Variants in PPP1R14C observed in about 807,000 individuals in gnomAD.
The protein encoded by PPP1R14C is protein phosphatase 1 regulatory subunit 14C.
PPP1R14C carries 16 observed loss-of-function variants against 20.4 expected under a neutral mutation model. The ratio of observed to expected loss-of-function variants is 0.78; its 90% CI spans 0.53 to 1.19. The LOEUF is 1.19. PPP1R14C is among the 50% of genes most tolerant of loss of function. The pLI is 0.00. For missense variants in PPP1R14C, 211 were observed against 220.1 expected (o/e 0.96, Z 0.26); for synonymous variants, 91 against 91.0 (o/e 1.00, Z 0.00).
intron 1 of PPP1R14C, among the ~76,000 whole-genome samples, chr6:150,182,735 TACA>T (rs1777635524): frequency 6.6e-6 from 1 of 152,206 alleles, no homozygotes; most frequent in East Asian, 1.9e-4. Flanking sequence ...ACCAAGTAGG[TACA>T]ATAGCCAGCC....
intron 2 of PPP1R14C, among the ~76,000 whole-genome samples, chr6:150,215,046 C>T (rs17526796): frequency 0.047 from 7,180 of 152,222 alleles, 250 homozygotes; most frequent in Middle Eastern, 0.071. Context: ...ATTTTCAAAG[C>T]GCCTTATGGG....
chr6:150,216,885 T>C, intron 3 of PPP1R14C, 29 bp downstream of exon 3: 1 of 1,575,082 alleles, frequency 6.3e-7, no homozygotes, highest in Non-Finnish European at 8.7e-7. Context: ...CTAAATGCCA[T>C]GTTTGAACTG....
intron 1 of PPP1R14C, among the ~76,000 whole-genome samples, chr6:150,145,920 T>G (rs1777175607): frequency 6.6e-6 from 1 of 152,226 alleles, no homozygotes; most frequent in African/African-American, 2.4e-5. Context: ...TCAGATGACT[T>G]GACCTTTTCA....
intron 3 of PPP1R14C, among the ~76,000 whole-genome samples, chr6:150,236,636 T>TGTGTGTGTGTGCGC (rs1242098663): frequency 1.3e-5 from 2 of 151,462 alleles, no homozygotes; most frequent in African/African-American, 4.9e-5. Context: ...TGTGTGTGTG[T>TGTGTGTGTGTGCGC]GTGCGCGTGT....
At chr6:150,162,621 T>A (rs932177457) in intron 1 of PPP1R14C, among the ~76,000 whole-genome samples, 1 of 152,204 alleles carries the variant, frequency 6.6e-6, no homozygotes, top group Non-Finnish European at 1.5e-5. Context: ...GCTTCAGTTT[T>A]TGATGATTAT....
At position 150,181,509 on chromosome 6, in the gene PPP1R14C, C is replaced by T. The variant is rs1777621726; in HGVS notation, c.307-33235C>T. On this transcript the variant is annotated intron_variant, in intron 1 of 3. Coordinates refer to ENST00000361131, the MANE Select transcript of PPP1R14C (RefSeq NM_030949.3). The stretch of plus-strand genomic sequence containing the variant: ...TATTTAATTATTAGCTATCAATGTT[C>T]TTTTCTGCTGCCCTGTCTCTTCGCT... Among the ~76,000 whole-genome samples, 4 of 152,314 alleles carry T rather than the reference C, an allele frequency of 2.6e-5. No homozygotes were observed. The East Asian group carries it at 7.7e-4, about 29-fold the overall frequency.
intron 3 of PPP1R14C, among the ~76,000 whole-genome samples, chr6:150,222,913 C>T (rs375706156): frequency 8.9e-4 from 135 of 151,654 alleles, no homozygotes; most frequent in African/African-American, 2.8e-3. Flanking sequence ...GGATTACAGG[C>T]GCGTGCCACC....
Position 150,248,735 on chromosome 6 carries a change from A to C in PPP1R14C, c.424-11A>C. 1 of 1,592,086 alleles carries C rather than the reference A, an allele frequency of 6.3e-7. No homozygotes were observed. The highest frequency in any genetic ancestry group is 1.7e-5 in the Admixed American group (1 of 59,594). On this transcript the variant is annotated splice_polypyrimidine_tract_variant and intron_variant, in intron 3 of 3. Transcript: ENST00000361131. ...GTGACCCTCATATTAACTTCTTCTG[A>C]TCTCTTTTAGGAATTTATCAAAGAG...
chr6:150,209,412 G>T (rs1777992506), intron 1 of PPP1R14C, among the ~76,000 whole-genome samples: 1 of 141,658 alleles, frequency 7.1e-6, no homozygotes, highest in Non-Finnish European at 1.6e-5. Flanking sequence ...AGAAGTGTGT[G>T]TATATATCTG....
At chr6:150,189,044 A>C (rs1198948086) in intron 1 of PPP1R14C, among the ~76,000 whole-genome samples, 2 of 151,842 alleles carry the variant, frequency 1.3e-5, no homozygotes, top group African/African-American at 4.8e-5. Context: ...TTTTTAGTAG[A>C]GACAGGATTT....
intron 1 of PPP1R14C, among the ~76,000 whole-genome samples, chr6:150,166,302 G>C (rs1227501647): frequency 6.6e-6 from 1 of 151,954 alleles, no homozygotes; most frequent in Non-Finnish European, 1.5e-5. Flanking sequence ...GGATGGTCTC[G>C]ATCTCCTGAC....
At chr6:150,245,089 G>C (rs1255596724) in intron 3 of PPP1R14C, among the ~76,000 whole-genome samples, 2 of 152,016 alleles carry the variant, frequency 1.3e-5, no homozygotes, top group Non-Finnish European at 2.9e-5. Context: ...ATGCGGAACA[G>C]TGACCTTAAT....
intron 3 of PPP1R14C, among the ~76,000 whole-genome samples, chr6:150,246,231 T>C (rs1467927524): frequency 1.3e-5 from 2 of 152,220 alleles, no homozygotes; most frequent in Admixed American, 6.5e-5. Flanking sequence ...AAATGTGTTA[T>C]TAAAATAGTG....
chr6:150,227,375 T>C (rs916275630), intron 3 of PPP1R14C, among the ~76,000 whole-genome samples: 1 of 152,186 alleles, frequency 6.6e-6, no homozygotes, highest in Non-Finnish European at 1.5e-5. Flanking sequence ...CAGTAAACTA[T>C]GGTGGAAATT....
At chr6:150,183,309 T>G (rs1020211072) in intron 1 of PPP1R14C, among the ~76,000 whole-genome samples, 2 of 152,248 alleles carry the variant, frequency 1.3e-5, no homozygotes, top group Admixed American at 6.5e-5. Flanking sequence ...AGGAAATGAG[T>G]TGGTCAAAAC....
intron 3 of PPP1R14C, among the ~76,000 whole-genome samples, chr6:150,217,106 A>G (rs1413022437): frequency 6.6e-6 from 1 of 152,214 alleles, no homozygotes; most frequent in African/African-American, 2.4e-5. Flanking sequence ...GCCAAACTTC[A>G]AAGGAAATTG....
At chr6:150,233,889 A>G (rs865807580) in intron 3 of PPP1R14C, among the ~76,000 whole-genome samples, 8 of 152,294 alleles carry the variant, frequency 5.3e-5, no homozygotes, top group Middle Eastern at 3.4e-3. Flanking sequence ...AAGGCACCCC[A>G]TTGCAGGGCA....
At chr6:150,199,305 G>T (rs1207849257) in intron 1 of PPP1R14C, among the ~76,000 whole-genome samples, 7 of 152,172 alleles carry the variant, frequency 4.6e-5, no homozygotes, top group African/African-American at 1.7e-4. Context: ...CAAAATTCAG[G>T]TGTTGAAATT....
chr6:150,243,178 T>TC (rs1778452256), intron 3 of PPP1R14C, among the ~76,000 whole-genome samples: 1 of 149,700 alleles, frequency 6.7e-6, no homozygotes, highest in African/African-American at 2.5e-5. Context: ...AAATTCCTTT[T>TC]TTTTTTTTTT....
Sources: allele counts gnomAD v4.1 joint callset (sites outside exome capture counted in the v4.1 genomes callset), GRCh38; gene constraint gnomAD v4.1.1; transcripts MANE v1.5; gene names NCBI Gene and HGNC (gene_info 2026-07-23, HGNC 2026-07-21).